ANXA9: variants seen among roughly 807,000 people sequenced by gnomAD.
ANXA9 encodes the protein annexin 31.
Under a neutral mutation model 51.8 loss-of-function variants are expected in ANXA9, and 47 were observed. The observed-to-expected ratio is 0.91, with a 90% confidence interval of 0.72 to 1.16. The LOEUF is 1.16. Ranked by LOEUF, ANXA9 falls within the 50% of genes most tolerant of loss-of-function variation. The pLI is 0.00. For missense variants in ANXA9, 361 were observed against 424.7 expected (o/e 0.85, Z 1.32); for synonymous variants, 154 against 168.7 (o/e 0.91, Z 0.68).
rs200156689 is a variant in ANXA9 at position 150,987,932 on chromosome 1, C to T, written c.673C>T (p.Arg225Ter). The change falls in exon 10 of 14, where the codon CGA (arginine) becomes TGA (stop). Residue 225 changes from arginine to a stop codon, truncating the protein, a stop_gained. Coordinates refer to ENST00000368947, the MANE Select transcript of ANXA9 (RefSeq NM_003568.3). LOFTEE classifies it high-confidence loss of function. ...AACATGGGTCCCAGTCTTCACCCAG[C>T]GAAATCCTGAACACCTCATCCGAGG... ...EETWVPVFTQ[R>*]NPEHLIRVFD... 1.8e-5 allele frequency: 29 copies of T among 1,613,958 alleles called. No homozygotes were observed. The highest frequency in any genetic ancestry group is 1.3e-4 in the African/African-American group (10 of 74,900).
chr1:150,986,443 G>A (rs1671559773), intron 8 of ANXA9, 28 bp downstream of exon 8: 3 of 1,610,868 alleles, frequency 1.9e-6, no homozygotes, highest in Non-Finnish European at 2.5e-6. Context: ...GCAAGGAAGG[G>A]AGTCACGTTC....
At chr1:150,994,741 A>C in intron 13 of ANXA9, 42 bp downstream of exon 13, 1 of 1,607,990 alleles carries the variant, frequency 6.2e-7, no homozygotes, top group Admixed American at 1.7e-5. Context: ...TCAGGCCTTC[A>C]CTCCTCACCT....
At chr1:150,979,934 GA>G (rs1440323278), upstream of ANXA9, among the ~76,000 whole-genome samples, 1 of 152,126 alleles carries the variant, frequency 6.6e-6, no homozygotes, top group African/African-American at 2.4e-5. Context: ...TGATGATGAG[GA>G]AACTGAGCAC....
rs1407058713 is a variant in ANXA9 at position 150,995,257 on chromosome 1, C to T, written c.976-3C>T. 2.5e-5 allele frequency: 40 copies of T among 1,609,316 alleles called. No individual in the cohort carries two copies. The highest frequency in any genetic ancestry group is 3.4e-5 in the Non-Finnish European group (40 of 1,177,652). ...TTCTAACACTGAATTCCCTTGTCTG[C>T]AGGATGCAGTGAAAGGGGATTGCCA... On this transcript the variant is annotated splice_polypyrimidine_tract_variant and splice_region_variant and intron_variant, in intron 13 of 13. Transcript: ENST00000368947.
chr1:150,993,816 G>A (rs752553322), intron 12 of ANXA9, among the ~76,000 whole-genome samples: 18 of 149,634 alleles, frequency 1.2e-4, no homozygotes, highest in Non-Finnish European at 2.2e-4. Context: ...TGTATTTTTA[G>A]TAGAGACGGG....
chr1:150,987,360 G>GCTCT (rs747093235), intron 9 of ANXA9, among the ~76,000 whole-genome samples: 1 of 126,564 alleles, frequency 7.9e-6, no homozygotes, highest in African/African-American at 2.9e-5. Context: ...CATCTCTCTC[G>GCTCT]CTCTCTCTCT....
intron 9 of ANXA9, 123 bp downstream of exon 9, chr1:150,986,784 G>T: frequency 1.0e-6 from 1 of 988,384 alleles, no homozygotes. Context: ...GCCTTGGAGA[G>T]GGAGTTCTCA....
upstream of ANXA9, among the ~76,000 whole-genome samples, chr1:150,977,861 C>T (rs977299008): frequency 5.9e-5 from 9 of 152,192 alleles, no homozygotes; most frequent in Non-Finnish European, 1.3e-4. Context: ...AGGGACCAGG[C>T]GTGGTGGCTT....
chr1:150,992,333 C>T (rs1671724641), intron 12 of ANXA9, among the ~76,000 whole-genome samples: 1 of 151,990 alleles, frequency 6.6e-6, no homozygotes, highest in South Asian at 2.1e-4. Context: ...GTGAATCACC[C>T]GAGGTCAGGA....
chr1:150,980,192 C>G (rs1278574243), upstream of ANXA9, among the ~76,000 whole-genome samples: 2 of 152,094 alleles, frequency 1.3e-5, no homozygotes, highest in Non-Finnish European at 2.9e-5. Flanking sequence ...GTCAGGAGTT[C>G]GAGACCAGCC....
At chr1:150,981,247 T>G (rs1671412833), upstream of ANXA9, among the ~76,000 whole-genome samples, 1 of 152,168 alleles carries the variant, frequency 6.6e-6, no homozygotes, top group Admixed American at 6.6e-5. Flanking sequence ...CGGCATGGTC[T>G]ACTCAGTGTG....
upstream of ANXA9, among the ~76,000 whole-genome samples, chr1:150,980,120 C>T (rs1040820774): frequency 6.6e-6 from 1 of 152,072 alleles, no homozygotes; most frequent in African/African-American, 2.4e-5. Context: ...ATAATAATTA[C>T]AGGCGGTGGC....
Position 150,986,602 on chromosome 1 carries a change from G to T in ANXA9, c.553G>T (p.Gly185Trp). 1.2e-6 allele frequency: 2 copies of T among 1,607,628 alleles called. No homozygotes were observed. The highest frequency in any genetic ancestry group is 1.1e-5 in the South Asian group (1 of 90,098). The part of the protein sequence containing the change: ...LQDLLLALAK[G>W]GRDSYSGIID... Reference sequence around the variant, plus strand: ...CTCTAAGAACAGTTTCTCCTCCTAGGGGGGCCGTGACAGCTACTCTGGAAT... The same window carrying T: ...CTCTAAGAACAGTTTCTCCTCCTAGTGGGGCCGTGACAGCTACTCTGGAAT... Residue 185 changes from glycine (G) to tryptophan (W), a missense_variant and splice_region_variant, in exon 9 of 14, where the codon GGG (glycine) becomes TGG (tryptophan). By Grantham distance (184) the Gly-to-Trp change is radical. Coordinates refer to ENST00000368947, the MANE Select transcript of ANXA9 (RefSeq NM_003568.3).
intron 12 of ANXA9, among the ~76,000 whole-genome samples, chr1:150,991,981 G>T (rs1434225443): frequency 6.6e-6 from 1 of 152,002 alleles, no homozygotes; most frequent in Non-Finnish European, 1.5e-5. Flanking sequence ...TGACCAGGCT[G>T]GTCTCAAACT....
chr1:150,994,953 A>T lies in ANXA9; in HGVS notation c.975+254A>T, dbSNP rs181754153. On this transcript the variant is annotated intron_variant, in intron 13 of 13. Transcript: ENST00000368947. The stretch of plus-strand genomic sequence containing the variant: ...CTAAAAATACAAAAATTAGCCAGGC[A>T]TGGTGGCGTGCACCTGTAATCCCAG... 1.3e-3 allele frequency: 506 copies of T among 404,792 alleles called. 5 individuals are homozygous for T. Among genetic ancestry groups the T allele is most frequent in the African/African-American group, 0.01 (475 of 46,050 alleles). 25.1% of individuals were successfully genotyped at this position (404,792 alleles called of 1,614,324 possible). A position where few individuals can be genotyped will look rare whatever the true frequency, so the allele number is the denominator to read the frequency against.
chr1:150,979,458 A>G (rs1671379920), upstream of ANXA9, among the ~76,000 whole-genome samples: 1 of 152,302 alleles, frequency 6.6e-6, no homozygotes, highest in Middle Eastern at 3.4e-3. Flanking sequence ...AGTCTCCTGC[A>G]TGTGTCTGAG....
intron 12 of ANXA9, among the ~76,000 whole-genome samples, chr1:150,991,916 G>A (rs373844194): frequency 6.6e-6 from 1 of 151,808 alleles, no homozygotes; most frequent in East Asian, 1.9e-4. Context: ...ACAGGCGCCC[G>A]CCACCACGCC....
intron 7 of ANXA9, among the ~76,000 whole-genome samples, chr1:150,984,943 C>G (rs776610712): frequency 1.3e-4 from 19 of 151,932 alleles, no homozygotes; most frequent in Non-Finnish European, 1.8e-4. Flanking sequence ...GGGCAGGTCA[C>G]TTGAGCCCAG....
intron 11 of ANXA9, 42 bp from the exon 12 acceptor site, chr1:150,988,241 G>T: frequency 6.2e-7 from 1 of 1,614,142 alleles, no homozygotes; most frequent in South Asian, 1.1e-5. Context: ...GGGAGATTGT[G>T]GTCCTAGTTG....
Sources: gnomAD v4.1 joint callset for allele counts (sites outside exome capture counted in the v4.1 genomes callset) on GRCh38, gnomAD v4.1.1 for gene constraint, MANE v1.5 for transcripts, NCBI Gene and HGNC (gene_info 2026-07-23, HGNC 2026-07-21) for gene names.